The following MAP7 variants were observed in gnomAD, a reference collection of about 807,000 sequenced individuals.
The protein encoded by MAP7 is ensconsin.
A neutral mutation model predicts 94.8 loss-of-function variants in MAP7; 52 were observed. The observed-to-expected ratio is 0.55, with a 90% confidence interval of 0.44 to 0.69. The LOEUF is 0.69. Ranked by LOEUF, MAP7 falls within the 30% of genes least tolerant of loss-of-function variation. MAP7 has a pLI of 0.00. For missense variants in MAP7, 940 were observed against 964.6 expected, an observed-to-expected ratio of 0.97 and a Z score of 0.34; for synonymous variants, 350 against 357.0, an observed-to-expected ratio of 0.98 and a Z score of 0.22.
At chr6:136,499,018 C>T (rs541295081) in intron 1 of MAP7, among the ~76,000 whole-genome samples, 1 of 152,182 alleles carries the variant, frequency 6.6e-6, no homozygotes, top group South Asian at 2.1e-4. Flanking sequence ...AAGAGATTCT[C>T]GTGCCTCTGC....
rs1470937095 is a variant in MAP7, at chr6:136,442,330, AG to A, written c.68-20532del. On this transcript the variant is annotated intron_variant, in intron 1 of 17. Coordinates refer to ENST00000354570, the MANE Select transcript of MAP7 (RefSeq NM_003980.6). ...TGAGACAGGAGAACTGCTTGAACCCAGGAGGCAGAGGTTGCAGTGAGCTGAG... is the reference window on the plus strand; with the variant it reads ...TGAGACAGGAGAACTGCTTGAACCCAGAGGCAGAGGTTGCAGTGAGCTGAG... Among the ~76,000 whole-genome samples, 3 of 143,750 alleles carry A rather than the reference AG, an allele frequency of 2.1e-5. No individual in the cohort carries two copies. In the Admixed American group the frequency reaches 2.2e-4, roughly 10 times the overall value. The allele number at this position is 143,750 out of a possible 152,430, so 94.3% of individuals were successfully genotyped here.
Position 136,362,653 on chromosome 6 carries a change from C to G in MAP7, c.1323G>C (p.Ser441=). 6.2e-7 allele frequency: 1 copy of G among 1,606,524 alleles called. No homozygotes were observed. Among genetic ancestry groups the G allele is most frequent in the Non-Finnish European group, 8.5e-7 (1 of 1,176,788 alleles). The change falls in exon 11 of 18, where the codon TCG becomes TCC. Residue 441 remains serine (S), a synonymous_variant. Transcript: ENST00000354570. ...TGGGGACCGGGGCTGGAGCTGGGGC[C>G]GAGGCTGGAGCTGGGGCCGAGGCTG... ...PAPASAPAPA[S]APAPAPVPTP...
At chr6:136,382,238 A>G (rs1386078463) in intron 6 of MAP7, among the ~76,000 whole-genome samples, 1 of 152,162 alleles carries the variant, frequency 6.6e-6, no homozygotes, top group Non-Finnish European at 1.5e-5. Context: ...CATGGACAGG[A>G]TATTGCCAAG....
intron 6 of MAP7, among the ~76,000 whole-genome samples, chr6:136,378,307 T>C (rs906487932): frequency 3.9e-5 from 6 of 152,160 alleles, no homozygotes; most frequent in African/African-American, 1.4e-4. Flanking sequence ...ATAGAGGCAC[T>C]GGCAGGTTAA....
At chr6:136,347,834 T>C (rs1157872821) in intron 16 of MAP7, among the ~76,000 whole-genome samples, 1 of 152,246 alleles carries the variant, frequency 6.6e-6, no homozygotes, top group African/African-American at 2.4e-5. Flanking sequence ...AAAATGAAGA[T>C]GCCTGTCCTA....
intron 1 of MAP7, among the ~76,000 whole-genome samples, chr6:136,548,751 T>C (rs946819085): frequency 1.3e-5 from 2 of 152,260 alleles, no homozygotes; most frequent in Non-Finnish European, 2.9e-5. Flanking sequence ...CTAGAAAGTT[T>C]ATTTTTGAGC....
At chr6:136,346,107 A>G in intron 16 of MAP7, 28 bp from the exon 17 acceptor site, 1 of 1,430,706 alleles carries the variant, frequency 7.0e-7, no homozygotes, top group Non-Finnish European at 9.7e-7. Context: ...TAAAAATAGA[A>G]ATAAGTTAGT....
intron 1 of MAP7, among the ~76,000 whole-genome samples, chr6:136,486,284 C>T (rs1197635082): frequency 6.6e-6 from 1 of 152,164 alleles, no homozygotes; most frequent in African/African-American, 2.4e-5. Flanking sequence ...CCGGCAAAAT[C>T]ATGAACACCA....
intron 13 of MAP7, 77 bp downstream of exon 13, chr6:136,360,620 T>G: frequency 7.7e-7 from 1 of 1,294,522 alleles, no homozygotes; most frequent in East Asian, 2.3e-5. Context: ...ACACGCGTTT[T>G]CTGACGGCCA....
At chr6:136,483,077 A>G (rs1201903077) in intron 1 of MAP7, among the ~76,000 whole-genome samples, 2 of 149,642 alleles carry the variant, frequency 1.3e-5, no homozygotes, top group Non-Finnish European at 3.0e-5. Context: ...TTTTAGTTGT[A>G]TATATATTTG....
chr6:136,496,781 A>G (rs1818364666), intron 1 of MAP7, among the ~76,000 whole-genome samples: 1 of 147,178 alleles, frequency 6.8e-6, no homozygotes. Flanking sequence ...CTCTACTAAA[A>G]AAAAAAAAAA....
At chr6:136,356,660 T>C in intron 16 of MAP7, 32 bp downstream of exon 16, 1 of 1,546,208 alleles carries the variant, frequency 6.5e-7, no homozygotes, top group South Asian at 1.1e-5. Context: ...AACAGTAATG[T>C]TTTACTTTAA....
Position 136,344,233 on chromosome 6 carries a change from T to G in MAP7, c.2245A>C (p.Ile749Leu). The G allele has an allele frequency of 7.5e-7, 1 of 1,333,006 alleles. No individual in the cohort carries two copies. The highest frequency in any genetic ancestry group is 1.0e-6 in the Non-Finnish European group (1 of 998,574). 82.6% of individuals were successfully genotyped at this position (1,333,006 alleles called of 1,614,324 possible). ...TGGTTCTTCAGAAGAAACACTCATA[T>G]AACTTCTACATGAAGAGACAGAAAA... Reference protein sequence around the residue: ...GVQTQQTAEVI With the variant: ...GVQTQQTAEVL Residue 749 changes from isoleucine to leucine, a missense_variant, in exon 18 of 18, where the codon ATA becomes CTA. By Grantham distance (5) the Ile-to-Leu change is conservative (BLOSUM62 2). Coordinates refer to ENST00000354570, the MANE Select transcript of MAP7 (RefSeq NM_003980.6).
Position 136,369,262 on chromosome 6 carries a change from A to T in MAP7, c.877-2823T>A, listed in dbSNP as rs189599522. 2.6e-5 allele frequency among the ~76,000 whole-genome samples: 4 copies of T among 152,290 alleles called. No homozygotes were observed. The East Asian group carries it at 7.7e-4, about 29-fold the overall frequency. On this transcript the variant is annotated intron_variant, in intron 8 of 17. Coordinates refer to ENST00000354570, the MANE Select transcript of MAP7 (RefSeq NM_003980.6). ...GCTACAGTGATCAGTACTGTGTGGT[A>T]ATGGTATCAAGACAGATATAGATAT... is the stretch of plus-strand genomic sequence containing the variant.
chr6:136,471,828 T>G (rs1214569476), intron 1 of MAP7, among the ~76,000 whole-genome samples: 2 of 152,206 alleles, frequency 1.3e-5, no homozygotes, highest in African/African-American at 4.8e-5. Flanking sequence ...TAATCAAGCC[T>G]TCCCACTCTT....
intron 3 of MAP7, among the ~76,000 whole-genome samples, chr6:136,390,552 C>T (rs1780408947): frequency 6.6e-6 from 1 of 152,054 alleles, no homozygotes; most frequent in Admixed American, 6.6e-5. Context: ...ACTCGGGAGG[C>T]TGAGGTGCAA....
chr6:136,342,920 G>A lies in MAP7; in HGVS notation c.*1308C>T, dbSNP rs1202389986. 2 of 148,366 alleles carry A rather than the reference G, an allele frequency of 1.3e-5. No homozygotes were observed. The highest frequency in any genetic ancestry group is 1.5e-5 in the Non-Finnish European group (1 of 67,960). 9.2% of individuals were successfully genotyped at this position (148,366 alleles called of 1,614,324 possible). ...GCCATTACTAAAGACCATATGCCTGGATTAAAAAAAATAGTCCAATAGATG... is the reference window on the plus strand; with the variant it reads ...GCCATTACTAAAGACCATATGCCTGAATTAAAAAAAATAGTCCAATAGATG... On this transcript the variant is annotated 3_prime_UTR_variant, in exon 18 of 18. Transcript: ENST00000354570.
chr6:136,441,001 T>C (rs372014571), intron 1 of MAP7, among the ~76,000 whole-genome samples: 9 of 152,194 alleles, frequency 5.9e-5, no homozygotes, highest in African/African-American at 1.9e-4. Flanking sequence ...GGTTCATCCA[T>C]GTTGTCCTAA....
chr6:136,350,023 C>A (rs750549889), intron 16 of MAP7, among the ~76,000 whole-genome samples: 1 of 152,068 alleles, frequency 6.6e-6, no homozygotes, highest in Non-Finnish European at 1.5e-5. Context: ...CATTTATTTA[C>A]GAATATATTA....
Sources: gnomAD v4.1 joint callset for allele counts (sites outside exome capture counted in the v4.1 genomes callset) on GRCh38, gnomAD v4.1.1 for gene constraint, MANE v1.5 for transcripts, NCBI Gene and HGNC (gene_info 2026-07-23, HGNC 2026-07-21) for gene names.